The following OVOL2 variants were observed in gnomAD, a reference collection of about 807,000 sequenced individuals.
OVOL2 encodes ovo like zinc finger 2, also known as transcription factor Ovo-like 2.
In OVOL2, 13 loss-of-function variants were observed where a neutral mutation model predicts 18.1. That is an observed-to-expected ratio of 0.72 (90% confidence interval 0.47 to 1.14). The LOEUF (loss-of-function observed/expected upper bound fraction) is 1.14, where lower values mean the gene tolerates loss of function less well. Among genes scored for constraint, OVOL2 ranks in the 50% most tolerant of loss-of-function variants. The pLI is 0.00. For synonymous variants in OVOL2, 166 were observed against 162.7 expected (o/e 1.02, Z -0.16); for missense variants, 335 against 383.0 (o/e 0.87, Z 1.05).
intron 2 of OVOL2, among the ~76,000 whole-genome samples, chr20:18,042,770 C>T (rs1452409137): frequency 3.6e-5 from 4 of 110,006 alleles, no homozygotes; most frequent in East Asian, 2.5e-4. Flanking sequence ...AGCAAAACTC[C>T]GTCTCAAAAA....
intron 2 of OVOL2, among the ~76,000 whole-genome samples, chr20:18,042,250 A>C (rs1292087447): frequency 6.6e-6 from 1 of 151,974 alleles, no homozygotes; most frequent in Non-Finnish European, 1.5e-5. Flanking sequence ...TCTTCCTTAG[A>C]ACAAACCTCT....
rs536141033 is a variant in OVOL2 at position 18,032,651 on chromosome 20, C to T, written c.512-7699G>A. The stretch of plus-strand genomic sequence containing the variant: ...CCTCCTGAGTAGCTGGGATTACAGG[C>T]GCCAGCCACCATGCCCAGCTAATTT... On this transcript the variant is annotated intron_variant, in intron 3 of 3. Transcript: ENST00000278780. Among the ~76,000 whole-genome samples the T allele has an allele frequency of 5.9e-5, 9 of 152,012 alleles. No homozygotes were observed. The South Asian group carries it at 6.2e-4, about 11-fold the overall frequency.
At chr20:18,034,135 C>T (rs1319881918) in intron 3 of OVOL2, among the ~76,000 whole-genome samples, 8 of 152,120 alleles carry the variant, frequency 5.3e-5, no homozygotes, top group Admixed American at 2.6e-4. Flanking sequence ...CCATCCAGAC[C>T]GCTTTTCTGG....
chr20:18,041,631 G>C lies in OVOL2; in HGVS notation c.414C>G (p.Leu138=). The part of the protein sequence containing the change: ...FRLQRMLNRH[L]KCHNQVKRHL... Reference sequence around the variant, plus strand: ...GTCTTTTCACCTGGTTGTGGCACTTGAGGTGACGGTTCAGCATGCGCTGCA... The same window carrying C: ...GTCTTTTCACCTGGTTGTGGCACTTCAGGTGACGGTTCAGCATGCGCTGCA... Residue 138 remains leucine (L), a synonymous_variant, in exon 3 of 4, where the codon CTC becomes CTG. Transcript: ENST00000278780. The C allele has an allele frequency of 1.2e-6, 2 of 1,614,206 alleles. No homozygotes were observed. The highest frequency in any genetic ancestry group is 1.7e-6 in the Non-Finnish European group (2 of 1,180,038).
upstream of OVOL2, among the ~76,000 whole-genome samples, chr20:18,058,216 C>T (rs933724498): frequency 2.6e-5 from 4 of 152,120 alleles, no homozygotes; most frequent in African/African-American, 9.7e-5. Flanking sequence ...CCCCCCTCCC[C>T]CGCCCGGTGG....
intron 2 of OVOL2, among the ~76,000 whole-genome samples, chr20:18,044,973 G>C (rs2036712188): frequency 6.6e-6 from 1 of 152,110 alleles, no homozygotes; most frequent in Admixed American, 6.5e-5. Context: ...GGCCCTACTG[G>C]AGCTGGAATG....
At chr20:18,054,766 C>CAA (rs745367889) in intron 2 of OVOL2, among the ~76,000 whole-genome samples, 3,153 of 63,120 alleles carry the variant, frequency 0.05, 56 homozygotes, top group Non-Finnish European at 0.069. Flanking sequence ...AACTCCATCT[C>CAA]AAAAAAAAAA....
intron 2 of OVOL2, among the ~76,000 whole-genome samples, chr20:18,047,425 G>A (rs1018621051): frequency 3.3e-5 from 5 of 149,388 alleles, no homozygotes; most frequent in East Asian, 1.9e-4. Flanking sequence ...CAAGAGAATC[G>A]TTTGAACCCG....
chr20:18,044,952 T>G (rs1006719077), intron 2 of OVOL2, among the ~76,000 whole-genome samples: 1 of 151,612 alleles, frequency 6.6e-6, no homozygotes, highest in African/African-American at 2.4e-5. Context: ...CCCTTAGGAG[T>G]CTACCTTGAG....
chr20:18,037,248 C>G (rs913548116), intron 3 of OVOL2, among the ~76,000 whole-genome samples: 2 of 152,150 alleles, frequency 1.3e-5, no homozygotes, highest in African/African-American at 4.8e-5. Flanking sequence ...AGAAGGAGAC[C>G]CTACAGAGGA....
intron 2 of OVOL2, among the ~76,000 whole-genome samples, chr20:18,054,081 A>T (rs1474272629): frequency 6.6e-6 from 1 of 152,224 alleles, no homozygotes; most frequent in Non-Finnish European, 1.5e-5. Context: ...AGAGTTAATA[A>T]TGTTTGTGTC....
At chr20:18,049,556 C>CCT (rs1254505559) in intron 2 of OVOL2, among the ~76,000 whole-genome samples, 3 of 150,532 alleles carry the variant, frequency 2.0e-5, no homozygotes, top group Non-Finnish European at 4.5e-5. Context: ...CAGATTCCCC[C>CCT]CCCGATCCTA....
chr20:18,032,127 C>T (rs1015413272), intron 3 of OVOL2, among the ~76,000 whole-genome samples: 4 of 151,848 alleles, frequency 2.6e-5, no homozygotes, highest in Admixed American at 2.6e-4. Context: ...AATTATCCTA[C>T]AGGAAGACTC....
At chr20:18,049,851 C>T (rs1473132241) in intron 2 of OVOL2, among the ~76,000 whole-genome samples, 1 of 152,152 alleles carries the variant, frequency 6.6e-6, no homozygotes, top group Non-Finnish European at 1.5e-5. Flanking sequence ...TGTCTCATAT[C>T]ATCATGAGTC....
chr20:18,049,143 C>T (rs1383653706), intron 2 of OVOL2, among the ~76,000 whole-genome samples: 1 of 152,170 alleles, frequency 6.6e-6, no homozygotes, highest in African/African-American at 2.4e-5. Flanking sequence ...TGCAGGATCT[C>T]GGCTTTCATT....
At chr20:18,055,815 G>A (rs1484407576) in intron 2 of OVOL2, among the ~76,000 whole-genome samples, 1 of 152,204 alleles carries the variant, frequency 6.6e-6, no homozygotes. Flanking sequence ...CTAGAAAGAG[G>A]GGCCAAGTGA....
chr20:18,041,580 G>T lies in OVOL2; in HGVS notation c.465C>A (p.Gly155=). The part of the protein sequence containing the change: ...KRHLCTFCGK[G]FNDTFDLKRH... Reference sequence around the variant, plus strand: ...TCTTCAGGTCGAAGGTGTCGTTGAAGCCCTTGCCGCAGAAGGTGCACAGGT... The same window carrying T: ...TCTTCAGGTCGAAGGTGTCGTTGAATCCCTTGCCGCAGAAGGTGCACAGGT... Residue 155 remains glycine, a synonymous_variant, in exon 3 of 4, where the codon GGC becomes GGA. Coordinates refer to ENST00000278780, the MANE Select transcript of OVOL2 (RefSeq NM_021220.4). 6.2e-7 allele frequency: 1 copy of T among 1,614,092 alleles called. No homozygotes were observed.
intron 3 of OVOL2, among the ~76,000 whole-genome samples, chr20:18,036,447 G>A (rs1019287880): frequency 6.6e-6 from 1 of 152,040 alleles, no homozygotes; most frequent in Non-Finnish European, 1.5e-5. Context: ...AGTGGCCGCC[G>A]GACCAGCCAG....
At position 18,057,010 on chromosome 20, in the gene OVOL2, C is replaced by A. The variant is rs1335889143; in HGVS notation, c.101-133G>T. 19 of 1,038,682 alleles carry A rather than the reference C, an allele frequency of 1.8e-5. No individual in the cohort carries two copies. Among genetic ancestry groups the A allele is most frequent in the Non-Finnish European group, 1.9e-5 (15 of 773,572 alleles). The allele number at this position is 1,038,682 out of a possible 1,614,324, so 64.3% of individuals were successfully genotyped here. A position where few individuals can be genotyped will look rare whatever the true frequency, so the allele number is the denominator to read the frequency against. On this transcript the variant is annotated intron_variant, in intron 1 of 3. Coordinates refer to ENST00000278780, the MANE Select transcript of OVOL2 (RefSeq NM_021220.4). The surrounding 1 kb of genome is among the most constrained non-coding windows in gnomAD (Gnocchi z 6.3). ...GCACCTCGCCAAGTGGGCAACGTCGCGGGGGAGGCCAGTAAGCCCCGAATC... is the reference window on the plus strand; with the variant it reads ...GCACCTCGCCAAGTGGGCAACGTCGAGGGGGAGGCCAGTAAGCCCCGAATC...
Sources: gnomAD v4.1 joint callset for allele counts (sites outside exome capture counted in the v4.1 genomes callset) on GRCh38, gnomAD v4.1.1 for gene constraint, Gnocchi (gnomAD v3.1) non-coding constraint, MANE v1.5 for transcripts, NCBI Gene and HGNC (gene_info 2026-07-23, HGNC 2026-07-21) for gene names.